Variants in PTPRN2 observed in about 807,000 individuals in gnomAD.
The protein encoded by PTPRN2 is receptor-type tyrosine-protein phosphatase N2.
In PTPRN2, 74 loss-of-function variants were observed where a neutral mutation model predicts 118.8. The observed-to-expected ratio is 0.62, with a 90% confidence interval of 0.52 to 0.76. PTPRN2 has a LOEUF of 0.76. Ranked by LOEUF, PTPRN2 falls within the 30% of genes least tolerant of loss-of-function variation. The probability of loss-of-function intolerance (pLI) is 0.00; values close to 1 mark genes in which losing one functional copy is unlikely to be tolerated. For missense variants in PTPRN2, 1,481 were observed against 1,394.4 expected (o/e 1.06, Z -0.99); for synonymous variants, 641 against 608.0 (o/e 1.05, Z -0.80).
intron 17 of PTPRN2, among the ~76,000 whole-genome samples, chr7:157,580,250 A>C (rs1234739252): frequency 6.6e-6 from 1 of 152,148 alleles, no homozygotes; most frequent in African/African-American, 2.4e-5. Context: ...GAAATCTAAA[A>C]CTGTCTCTTT....
rs1321325748 is a variant in PTPRN2 at position 157,813,511 on chromosome 7, G to C, written c.1788+85162C>G. Reference sequence around the variant, plus strand: ...AAAGTCTAACAATTTGTTAAACTTTGTTAGTGTACAAAATGTGGTGATCCT... The same window carrying C: ...AAAGTCTAACAATTTGTTAAACTTTCTTAGTGTACAAAATGTGGTGATCCT... On this transcript the variant is annotated intron_variant, in intron 12 of 22. Transcript: ENST00000389418. This position sits in a 1 kb window ranked among gnomAD's most constrained non-coding sequence, Gnocchi z 4.7. Among the ~76,000 whole-genome samples, 2 of 152,212 alleles carry C rather than the reference G, an allele frequency of 1.3e-5. No individual in the cohort carries two copies. Among genetic ancestry groups the C allele is most frequent in the African/African-American group, 4.8e-5 (2 of 41,440 alleles).
At chr7:158,205,085 AAAAC>A (rs576383461) in intron 4 of PTPRN2, 82 bp downstream of exon 4, 402 of 1,181,054 alleles carry the variant, frequency 3.4e-4, no homozygotes, top group Middle Eastern at 1.9e-3. Context: ...TTGCTACATT[AAAAC>A]AAACAAACAA....
At chr7:157,940,257 T>C in intron 11 of PTPRN2, among the ~76,000 whole-genome samples, 1 of 152,178 alleles carries the variant, frequency 6.6e-6, no homozygotes, top group East Asian at 1.9e-4. Flanking sequence ...GTGCAGATTC[T>C]TTTCTCTCCC....
intron 1 of PTPRN2, among the ~76,000 whole-genome samples, chr7:158,523,224 C>G (rs951409127): frequency 2.6e-5 from 4 of 151,996 alleles, no homozygotes; most frequent in African/African-American, 9.7e-5. Flanking sequence ...CCAGTGTGAC[C>G]AGGGGCGGGG....
intron 6 of PTPRN2, 146 bp downstream of exon 6, chr7:158,166,785 A>T: frequency 9.0e-7 from 1 of 1,107,362 alleles, no homozygotes; most frequent in Non-Finnish European, 1.2e-6. Context: ...ACCCTTCCCT[A>T]CATGGTGCCC....
intron 10 of PTPRN2, among the ~76,000 whole-genome samples, chr7:158,103,498 G>A (rs1815416452): frequency 6.6e-6 from 1 of 152,224 alleles, no homozygotes; most frequent in Non-Finnish European, 1.5e-5. Flanking sequence ...CGATGTCCGA[G>A]GCAGGGCCCA....
intron 2 of PTPRN2, among the ~76,000 whole-genome samples, chr7:158,434,868 C>A (rs2129430949): frequency 6.6e-6 from 1 of 152,240 alleles, no homozygotes; most frequent in Non-Finnish European, 1.5e-5. Flanking sequence ...ACATCACATC[C>A]CACATGGTGT....
chr7:158,400,585 C>T (rs1183826928), intron 2 of PTPRN2, among the ~76,000 whole-genome samples: 4 of 152,164 alleles, frequency 2.6e-5, no homozygotes, highest in Admixed American at 6.5e-5. Flanking sequence ...ACACAAGATG[C>T]GCTTTGTCAT....
intron 13 of PTPRN2, among the ~76,000 whole-genome samples, chr7:157,670,271 C>T (rs558948335): frequency 3.3e-5 from 5 of 152,192 alleles, no homozygotes; most frequent in African/African-American, 2.4e-5. Flanking sequence ...CGGTCAGCTG[C>T]ATCCGAGAGT....
chr7:158,519,843 T>C (rs1027583692), intron 1 of PTPRN2, among the ~76,000 whole-genome samples: 4 of 152,160 alleles, frequency 2.6e-5, no homozygotes, highest in African/African-American at 9.7e-5. Flanking sequence ...AAATTCTCCA[T>C]TTTCCCCACA....
intron 12 of PTPRN2, among the ~76,000 whole-genome samples, chr7:157,879,306 C>T (rs1475410758): frequency 6.6e-6 from 1 of 152,330 alleles, no homozygotes; most frequent in East Asian, 1.9e-4. Flanking sequence ...GTAGGAAAAG[C>T]ACAGCCTCCA....
chr7:157,549,684 ATT>A (rs1423640253), intron 21 of PTPRN2, among the ~76,000 whole-genome samples: 1 of 152,194 alleles, frequency 6.6e-6, no homozygotes, highest in African/African-American at 2.4e-5. Flanking sequence ...TTCAGCACAT[ATT>A]GTTATTTTTC....
chr7:157,741,211 T>C, intron 12 of PTPRN2, among the ~76,000 whole-genome samples: 1 of 152,220 alleles, frequency 6.6e-6, no homozygotes, highest in Middle Eastern at 3.2e-3. Flanking sequence ...TGGGACTTGA[T>C]TTCCTCACTT....
At chr7:157,589,531 C>T (rs1337860940) in intron 17 of PTPRN2, among the ~76,000 whole-genome samples, 1 of 152,196 alleles carries the variant, frequency 6.6e-6, no homozygotes, top group Non-Finnish European at 1.5e-5. Context: ...GGAGACCTGC[C>T]TCCTCCTCTC....
chr7:158,550,589 C>T (rs1826586753), intron 1 of PTPRN2, among the ~76,000 whole-genome samples: 1 of 152,258 alleles, frequency 6.6e-6, no homozygotes, highest in South Asian at 2.1e-4. Flanking sequence ...CTCCCCGGGA[C>T]TCAGCCAAAG....
At chr7:158,429,437 C>G (rs879678755) in intron 2 of PTPRN2, among the ~76,000 whole-genome samples, 5 of 152,260 alleles carry the variant, frequency 3.3e-5, no homozygotes, top group Non-Finnish European at 7.3e-5. Context: ...CTCTGCACCA[C>G]CCAGCTCCAC....
At chr7:158,340,402 A>G (rs1483029105) in intron 2 of PTPRN2, among the ~76,000 whole-genome samples, 17 of 64,550 alleles carry the variant, frequency 2.6e-4, no homozygotes, top group Non-Finnish European at 4.6e-4. Context: ...AAGAGCTGAC[A>G]CCCGCAGACG....
intron 9 of PTPRN2, among the ~76,000 whole-genome samples, chr7:158,112,707 A>G (rs1816383692): frequency 1.3e-5 from 2 of 151,352 alleles, no homozygotes; most frequent in Non-Finnish European, 2.9e-5. Context: ...CGTGTCTGTC[A>G]GTGCAGAGGT....
chr7:157,954,613 G>A (rs1220431946), intron 11 of PTPRN2, among the ~76,000 whole-genome samples: 1 of 151,822 alleles, frequency 6.6e-6, no homozygotes, highest in East Asian at 1.9e-4. Context: ...TGTGGTGTGG[G>A]TTGTGGTGCC....
Sources: gnomAD v4.1 joint callset for allele counts (sites outside exome capture counted in the v4.1 genomes callset) on GRCh38, gnomAD v4.1.1 for gene constraint, Gnocchi (gnomAD v3.1) non-coding constraint, MANE v1.5 for transcripts, NCBI Gene and HGNC (gene_info 2026-07-23, HGNC 2026-07-21) for gene names.